The following SLC15A4 variants were observed in gnomAD, a reference collection of about 807,000 sequenced individuals.
SLC15A4 encodes hPHT1.
Under a neutral mutation model 46.1 loss-of-function variants are expected in SLC15A4, and 26 were observed. The observed-to-expected ratio is 0.56, with a 90% CI of 0.41 to 0.78. The LOEUF is 0.78. SLC15A4 is among the 30% of genes least tolerant of loss of function. The pLI is 0.00. For missense variants in SLC15A4, 751 were observed against 755.7 expected, an observed-to-expected ratio of 0.99 and a Z score of 0.07; for synonymous variants, 370 against 333.4, an observed-to-expected ratio of 1.11 and a Z score of -1.20.
intron 6 of SLC15A4, 115 bp downstream of exon 6, chr12:128,800,739 A>T: frequency 9.0e-7 from 1 of 1,110,396 alleles, no homozygotes; most frequent in Non-Finnish European, 1.2e-6. Context: ...ACTGCCAAAA[A>T]CTACAGAAGT....
chr12:128,804,599 A>G (rs1034107008), intron 5 of SLC15A4, among the ~76,000 whole-genome samples: 5 of 152,132 alleles, frequency 3.3e-5, no homozygotes, highest in East Asian at 1.9e-4. Flanking sequence ...GCATGGTGGC[A>G]GGCGCCTGTA....
chr12:128,823,475 T>C lies in SLC15A4; in HGVS notation c.469A>G (p.Thr157Ala), dbSNP rs1403376844. ...CCCACCAGCACCAGCCCCGCGAAGG[T>C]GGCCGGTGAGCAGCAGCGGGCGGCG... ...DAAARCCSPA[T>A]FAGLVLVGLG... Residue 157 changes from threonine to alanine, a missense_variant, in exon 1 of 8, where the codon ACC becomes GCC. Thr to Ala is a moderately conservative substitution (Grantham distance 58, BLOSUM62 0). Transcript: ENST00000266771. The C allele has an allele frequency of 1.8e-5, 27 of 1,483,714 alleles. No homozygotes were observed. The highest frequency in any genetic ancestry group is 2.4e-5 in the Non-Finnish European group (27 of 1,124,186). 91.9% of individuals were successfully genotyped at this position (1,483,714 alleles called of 1,614,324 possible).
Position 128,809,036 on chromosome 12 carries a change from G to A in SLC15A4, c.1090-80C>T, listed in dbSNP as rs544829815. Reference sequence around the variant, plus strand: ...GTCTAGAGAACCAACGTCTCAATGGGAGAAATGCACGTAAAGAACAGTTCC... The same window carrying A: ...GTCTAGAGAACCAACGTCTCAATGGAAGAAATGCACGTAAAGAACAGTTCC... On this transcript the variant is annotated intron_variant, in intron 4 of 7. Transcript: ENST00000266771. 58 of 1,332,354 alleles carry A rather than the reference G, an allele frequency of 4.4e-5. No individual in the cohort carries two copies. In the African/African-American group the frequency reaches 7.9e-4, roughly 18 times the overall value. The allele number at this position is 1,332,354 out of a possible 1,614,324, so 82.5% of individuals were successfully genotyped here. A position where few individuals can be genotyped will look rare whatever the true frequency, so the allele number is the denominator to read the frequency against.
At chr12:128,813,283 T>C (rs1184905102) in intron 2 of SLC15A4, 2 of 151,794 alleles carry the variant, frequency 1.3e-5, no homozygotes, top group East Asian at 3.9e-4. Flanking sequence ...CCTGACCTCC[T>C]GGGCTGAAGT....
chr12:128,806,179 A>AAAAAG (rs1272000093), intron 5 of SLC15A4, among the ~76,000 whole-genome samples: 3 of 151,456 alleles, frequency 2.0e-5, no homozygotes, highest in African/African-American at 4.8e-5. Context: ...AAAAAAAAAA[A>AAAAAG]AAAGAAAAAC....
intron 1 of SLC15A4, among the ~76,000 whole-genome samples, chr12:128,821,325 C>T (rs143488100): frequency 1.2e-4 from 19 of 152,322 alleles, no homozygotes; most frequent in Middle Eastern, 3.4e-3. Context: ...TCCCTAATGT[C>T]ACCACTTCCT....
Position 128,823,458 on chromosome 12 carries a change from C to A in SLC15A4, c.486G>T (p.Val162=), listed in dbSNP as rs1204155918. 1.4e-6 allele frequency: 2 copies of A among 1,480,012 alleles called. No individual in the cohort carries two copies. The highest frequency in any genetic ancestry group is 1.8e-6 in the Non-Finnish European group (2 of 1,122,432). The allele number at this position is 1,480,012 out of a possible 1,614,324, so 91.7% of individuals were successfully genotyped here. A position where few individuals can be genotyped will look rare whatever the true frequency, so the allele number is the denominator to read the frequency against. ...CGGTGGCCACGCCCAGGCCCACCAG[C>A]ACCAGCCCCGCGAAGGTGGCCGGTG... ...CCSPATFAGL[V]LVGLGVATVK... is the part of the protein sequence containing the mutation. Residue 162 remains valine, a synonymous_variant, in exon 1 of 8, where the codon GTG becomes GTT. Transcript: ENST00000266771.
intron 5 of SLC15A4, among the ~76,000 whole-genome samples, chr12:128,804,194 C>A (rs1955552138): frequency 6.6e-6 from 1 of 152,186 alleles, no homozygotes; most frequent in South Asian, 2.1e-4. Flanking sequence ...TCTCTCCTGA[C>A]TCAACAAAAT....
intron 1 of SLC15A4, among the ~76,000 whole-genome samples, chr12:128,819,264 C>T (rs1164063896): frequency 1.3e-5 from 2 of 152,032 alleles, no homozygotes; most frequent in Non-Finnish European, 2.9e-5. Flanking sequence ...ATTAGCCAGG[C>T]GTGGTGGCTC....
chr12:128,796,130 T>A (rs1955439246), intron 7 of SLC15A4, among the ~76,000 whole-genome samples: 1 of 152,166 alleles, frequency 6.6e-6, no homozygotes, highest in Non-Finnish European at 1.5e-5. Flanking sequence ...AAACACAATA[T>A]AATACACGTC....
At chr12:128,812,439 C>T (rs531631622) in intron 2 of SLC15A4, among the ~76,000 whole-genome samples, 5 of 152,162 alleles carry the variant, frequency 3.3e-5, no homozygotes, top group South Asian at 2.1e-4. Flanking sequence ...CCTGCCTCAG[C>T]CCCCCATGTA....
chr12:128,808,720 G>A (rs2135713256), intron 5 of SLC15A4, 68 bp downstream of exon 5: 1 of 1,532,296 alleles, frequency 6.5e-7, no homozygotes, highest in Non-Finnish European at 8.9e-7. Flanking sequence ...CTGCGTGTGA[G>A]CACTATATTC....
At chr12:128,820,228 G>A (rs780460690) in intron 1 of SLC15A4, among the ~76,000 whole-genome samples, 2 of 152,162 alleles carry the variant, frequency 1.3e-5, no homozygotes, top group South Asian at 2.1e-4. Flanking sequence ...CGGAACGCAC[G>A]CACACTGGGC....
intron 6 of SLC15A4, among the ~76,000 whole-genome samples, chr12:128,800,541 C>T (rs777116213): frequency 2.0e-5 from 3 of 152,252 alleles, no homozygotes; most frequent in Non-Finnish European, 2.9e-5. Context: ...CCAGCCACCA[C>T]GGCAGCATGG....
intron 4 of SLC15A4, 122 bp from the exon 5 acceptor site, chr12:128,809,078 C>CT (rs1955622826): frequency 1.1e-6 from 1 of 887,406 alleles, no homozygotes; most frequent in South Asian, 1.7e-5. Context: ...CAAGGTACAA[C>CT]CTCTTCAGTT....
At chr12:128,809,783 C>T in intron 3 of SLC15A4, 160 bp downstream of exon 3, 1 of 650,596 alleles carries the variant, frequency 1.5e-6, no homozygotes, top group Non-Finnish European at 2.5e-6. Flanking sequence ...TTAAAGCAGC[C>T]AAAATGACTC....
chr12:128,793,224 T>TA lies in SLC15A4; in HGVS notation c.*971dup, dbSNP rs561282670. On this transcript the variant is annotated 3_prime_UTR_variant, in exon 8 of 8. Coordinates refer to ENST00000266771, the MANE Select transcript of SLC15A4 (RefSeq NM_145648.4). ...TTCGCATTTGAGATGCTTTTTATAA[T>TA]AAAGTTATGCCAAAAATACAGCAAC... The TA allele has an allele frequency of 3.9e-5, 6 of 152,160 alleles. No homozygotes were observed. The highest frequency in any genetic ancestry group is 8.8e-5 in the Non-Finnish European group (6 of 68,028). 9.4% of individuals were successfully genotyped at this position (152,160 alleles called of 1,614,324 possible).
At position 128,810,073 on chromosome 12, in the gene SLC15A4, CT is replaced by C; in HGVS notation, c.880del (p.Ser294ValfsTer22). 1.2e-6 allele frequency: 2 copies of C among 1,614,024 alleles called. No homozygotes were observed. The highest frequency in any genetic ancestry group is 1.7e-6 in the Non-Finnish European group (2 of 1,180,004). ...AGACATCTTACATGAATCAAACAGA[CT>C]TTGTTTAGAAGATTGCTGAAAGACT... ...IGVFQQSSKQ[S>X]LFDSCKMSHG... is the part of the protein sequence containing the mutation. On this transcript the variant is annotated frameshift_variant, in exon 3 of 8. Transcript: ENST00000266771. LOFTEE classifies it high-confidence loss of function.
intron 7 of SLC15A4, among the ~76,000 whole-genome samples, chr12:128,796,429 C>CAA (rs57014966): frequency 0.016 from 535 of 33,922 alleles, 39 homozygotes; most frequent in African/African-American, 0.053. Context: ...AACTCCATCT[C>CAA]AAAAAAAAAA....
Sources: gnomAD v4.1 joint callset for allele counts (sites outside exome capture counted in the v4.1 genomes callset) on GRCh38, gnomAD v4.1.1 for gene constraint, MANE v1.5 for transcripts, NCBI Gene and HGNC (gene_info 2026-07-23, HGNC 2026-07-21) for gene names.